CFAP96: variants seen among roughly 807,000 people sequenced by gnomAD.
CFAP96 encodes the protein cilia-and flagella-associated protein 96.
the CFAP96 span, among the ~76,000 whole-genome samples, chr4:185,423,108 C>T: frequency 2.0e-5 from 3 of 152,350 alleles, no homozygotes; most frequent in East Asian, 5.8e-4. Context: ...ATCCGCCTGT[C>T]TCGGCCTCCC....
chr4:185,443,342 A>ATATATATATATATATTTTT, the CFAP96 span, among the ~76,000 whole-genome samples: 7 of 26,730 alleles, frequency 2.6e-4, no homozygotes, highest in African/African-American at 7.0e-4. Flanking sequence ...ATATATATAT[A>ATATATATATATATATTTTT]TTTTTTTTTT....
At chr4:185,418,326 G>T in the CFAP96 span, 1 of 735,276 alleles carries the variant, frequency 1.4e-6, no homozygotes, top group Non-Finnish European at 2.1e-6. Context: ...AATCTTTTTG[G>T]ACATCAATAT....
At chr4:185,416,156 A>C in the CFAP96 span, 47 of 206,408 alleles carry the variant, frequency 2.3e-4, 1 homozygote, top group East Asian at 5.0e-3. Flanking sequence ...CACAAATATT[A>C]TTTTAAAAAG....
At chr4:185,443,927 T>TC in the CFAP96 span, among the ~76,000 whole-genome samples, 7 of 2,242 alleles carry the variant, frequency 3.1e-3, no homozygotes, top group African/African-American at 5.6e-3. Context: ...CTTTCTTTTT[T>TC]TTTTTTTTTT....
the CFAP96 span, chr4:185,415,771 C>G: frequency 6.2e-7 from 1 of 1,613,866 alleles, no homozygotes; most frequent in Non-Finnish European, 8.5e-7. Context: ...GTCATATTAA[C>G]ATAATGGTGT....
At chr4:185,411,378 T>TA in the CFAP96 span, among the ~76,000 whole-genome samples, 2 of 151,658 alleles carry the variant, frequency 1.3e-5, no homozygotes, top group African/African-American at 4.8e-5. Flanking sequence ...TCTAAAAAAC[T>TA]AAAAAAGGAA....
the CFAP96 span, chr4:185,425,780 C>T: frequency 1.3e-6 from 2 of 1,554,446 alleles, no homozygotes. Context: ...AGGACCAGCT[C>T]CTTTCAGGCG....
the CFAP96 span, among the ~76,000 whole-genome samples, chr4:185,410,254 T>C: frequency 6.6e-6 from 1 of 151,922 alleles, no homozygotes; most frequent in Non-Finnish European, 1.5e-5. Context: ...TAGAAAAATA[T>C]AAAAATACTT....
chr4:185,411,346 A>G, the CFAP96 span, among the ~76,000 whole-genome samples: 1 of 152,360 alleles, frequency 6.6e-6, no homozygotes, highest in East Asian at 1.9e-4. Flanking sequence ...AGGAAAGATC[A>G]TACCACTCTT....
the CFAP96 span, chr4:185,418,520 TACAC>T: frequency 6.2e-7 from 1 of 1,609,742 alleles, no homozygotes; most frequent in Non-Finnish European, 8.5e-7. Context: ...AAATTTTTAA[TACAC>T]AGACATTTAT....
the CFAP96 span, among the ~76,000 whole-genome samples, chr4:185,446,394 C>T: frequency 1.3e-5 from 2 of 152,120 alleles, no homozygotes; most frequent in South Asian, 4.1e-4. Flanking sequence ...GGTGTTCATA[C>T]TTGTACTACT....
the CFAP96 span, among the ~76,000 whole-genome samples, chr4:185,448,241 G>A: frequency 2.6e-5 from 4 of 152,036 alleles, no homozygotes; most frequent in Middle Eastern, 3.2e-3. Context: ...GGCTGGTCTC[G>A]AACTCCTGAC....
At chr4:185,422,362 C>G in the CFAP96 span, 8 of 750,518 alleles carry the variant, frequency 1.1e-5, no homozygotes, top group East Asian at 2.2e-4. Context: ...ATTTAATGTA[C>G]TTACTAACAA....
At chr4:185,437,455 CTT>C in the CFAP96 span, among the ~76,000 whole-genome samples, 1 of 152,204 alleles carries the variant, frequency 6.6e-6, no homozygotes, top group Admixed American at 6.5e-5. Context: ...ATGGCAATCA[CTT>C]TGTAGTTTTT....
the CFAP96 span, chr4:185,425,972 G>T: frequency 1.5e-6 from 2 of 1,356,028 alleles, no homozygotes; most frequent in Non-Finnish European, 2.1e-6. Flanking sequence ...GGCCCGGGCG[G>T]ACCAACTACA....
At chr4:185,428,899 A>G in the CFAP96 span, among the ~76,000 whole-genome samples, 1 of 152,206 alleles carries the variant, frequency 6.6e-6, no homozygotes, top group East Asian at 1.9e-4. Flanking sequence ...AAAAGCTGTT[A>G]TATTTTCAAC....
the CFAP96 span, chr4:185,432,193 GA>G: frequency 6.4e-7 from 1 of 1,550,496 alleles, no homozygotes; most frequent in Non-Finnish European, 8.7e-7. Flanking sequence ...GTAATGGAGA[GA>G]AAAAGCCGTA....
At chr4:185,431,878 T>C in the CFAP96 span, 1 of 943,230 alleles carries the variant, frequency 1.1e-6, no homozygotes, top group South Asian at 1.7e-5. Flanking sequence ...GAGCTCAAAA[T>C]TCATAATTGG....
chr4:185,432,176 C>T, the CFAP96 span: 3 of 1,551,692 alleles, frequency 1.9e-6, no homozygotes, highest in Non-Finnish European at 2.6e-6. Flanking sequence ...CAAAGCATTC[C>T]TCCCTAGTAA....
Sources: gnomAD v4.1 joint callset for allele counts (sites outside exome capture counted in the v4.1 genomes callset) on GRCh38, gnomAD v4.1.1 for gene constraint, MANE v1.5 for transcripts, NCBI Gene and HGNC (gene_info 2026-07-23, HGNC 2026-07-21) for gene names.